ANO3: variants seen among roughly 807,000 people sequenced by gnomAD.
The protein encoded by ANO3 is anoctamin-3.
A neutral mutation model predicts 144.8 loss-of-function variants in ANO3; 99 were observed. That is an observed-to-expected ratio of 0.68 (90% CI 0.58 to 0.81). The LOEUF (loss-of-function observed/expected upper bound fraction) is 0.81. Ranked by LOEUF, ANO3 falls within the 30% of genes least tolerant of loss-of-function variation. ANO3 has a pLI of 0.00. For synonymous variants in ANO3, 414 were observed against 392.6 expected (o/e 1.05, Z -0.64); for missense variants, 905 against 1,202.2 (o/e 0.75, Z 3.66).
At chr11:26,302,735 A>G (rs1276589326) in intron 1 of ANO3, among the ~76,000 whole-genome samples, 1 of 152,204 alleles carries the variant, frequency 6.6e-6, no homozygotes, top group East Asian at 1.9e-4. Context: ...CACTTTTAAT[A>G]TTCTGTAATA....
In ANO3 at chr11:26,531,208, GC is replaced by G; in HGVS notation, c.742del (p.Gln248LysfsTer26). The G allele has an allele frequency of 1.2e-6, 2 of 1,613,898 alleles. No individual in the cohort carries two copies. Among genetic ancestry groups the G allele is most frequent in the Non-Finnish European group, 1.7e-6 (2 of 1,179,954 alleles). On this transcript the variant is annotated frameshift_variant, in exon 8 of 27. Coordinates refer to ENST00000256737, the MANE Select transcript of ANO3 (RefSeq NM_031418.4). LOFTEE classifies it high-confidence loss of function. ...DGRSKSMGRM[Q>X]TYFRRIKNWM... ...CTCAAATGTGACTTCATTCCAGGAT[GC>G]AAACTTATTTTAGAAGAATCAAAAA...
chr11:26,290,064 A>G (rs1853919958), intron 1 of ANO3, among the ~76,000 whole-genome samples: 1 of 151,982 alleles, frequency 6.6e-6, no homozygotes, highest in Non-Finnish European at 1.5e-5. Flanking sequence ...TTGGTAGGCT[A>G]TTAATTATTG....
intron 1 of ANO3, among the ~76,000 whole-genome samples, chr11:26,346,960 A>T (rs1356045694): frequency 6.6e-6 from 1 of 152,240 alleles, no homozygotes. Flanking sequence ...TGCCATTCTT[A>T]TCTTTGGAAT....
At chr11:26,588,251 G>A (rs1168967970) in intron 14 of ANO3, among the ~76,000 whole-genome samples, 1 of 151,962 alleles carries the variant, frequency 6.6e-6, no homozygotes, top group Non-Finnish European at 1.5e-5. Flanking sequence ...ATTATTAATT[G>A]TATCTTTACT....
intron 13 of ANO3, among the ~76,000 whole-genome samples, chr11:26,556,964 G>A (rs1850099488): frequency 1.3e-5 from 2 of 152,080 alleles, no homozygotes; most frequent in African/African-American, 4.8e-5. Flanking sequence ...AGACCCAGCA[G>A]GTATCATGGA....
At chr11:26,636,894 A>T (rs1277684568) in intron 20 of ANO3, among the ~76,000 whole-genome samples, 1 of 152,236 alleles carries the variant, frequency 6.6e-6, no homozygotes, top group East Asian at 1.9e-4. Flanking sequence ...TAGCTTTATC[A>T]TCTGCAGAGT....
At chr11:26,658,149 T>C (rs957012131) in intron 26 of ANO3, among the ~76,000 whole-genome samples, 4 of 96,582 alleles carry the variant, frequency 4.1e-5, no homozygotes, top group African/African-American at 1.2e-4. Flanking sequence ...AGGGGTCTAG[T>C]TTCATTCTCG....
intron 1 of ANO3, among the ~76,000 whole-genome samples, chr11:26,428,595 A>G (rs145016276): frequency 3.2e-4 from 48 of 152,298 alleles, no homozygotes; most frequent in African/African-American, 1.0e-3. Context: ...AGTTTTCATC[A>G]TGTTAGAACT....
At chr11:26,364,503 G>A (rs1387178272) in intron 1 of ANO3, among the ~76,000 whole-genome samples, 1 of 152,198 alleles carries the variant, frequency 6.6e-6, no homozygotes, top group Non-Finnish European at 1.5e-5. Flanking sequence ...TTTGCCATCT[G>A]CAGGCTTTAC....
chr11:26,638,772 CAA>C (rs1853050295), intron 20 of ANO3, among the ~76,000 whole-genome samples: 1 of 152,106 alleles, frequency 6.6e-6, no homozygotes, highest in Admixed American at 6.6e-5. Context: ...TTATTAAAAA[CAA>C]TATATTATAA....
chr11:26,416,216 A>G (rs899324592), intron 1 of ANO3, among the ~76,000 whole-genome samples: 1 of 152,042 alleles, frequency 6.6e-6, no homozygotes, highest in African/African-American at 2.4e-5. Flanking sequence ...TTGAGAGTTG[A>G]TATTTCTGAT....
chr11:26,597,579 C>G (rs942840747), intron 14 of ANO3, among the ~76,000 whole-genome samples: 1 of 151,986 alleles, frequency 6.6e-6, no homozygotes, highest in Non-Finnish European at 1.5e-5. Context: ...CAGCTCGAGC[C>G]GTAACAAACA....
In ANO3 at chr11:26,447,012, C is replaced by A. The variant is rs1858724542; in HGVS notation, c.313+3176C>A. ...ACTGCTTAAGCCCAGGAGTTTAAGA[C>A]CAGCATTAGCAAAGTGGTGAGACCC... On this transcript the variant is annotated intron_variant, in intron 3 of 26. Transcript: ENST00000256737. Among the ~76,000 whole-genome samples the A allele has an allele frequency of 1.3e-5, 2 of 151,940 alleles. 1 individual carries two copies. Among genetic ancestry groups the A allele is most frequent in the South Asian group, 4.2e-4 (2 of 4,818 alleles).
chr11:26,488,906 A>G (rs1168235001), intron 4 of ANO3, among the ~76,000 whole-genome samples: 2 of 152,150 alleles, frequency 1.3e-5, no homozygotes, highest in African/African-American at 4.8e-5. Context: ...GGTCCATTTT[A>G]CAGAGTGCTG....
intron 1 of ANO3, among the ~76,000 whole-genome samples, chr11:26,334,919 A>T (rs2133892300): frequency 6.6e-6 from 1 of 152,302 alleles, no homozygotes; most frequent in Non-Finnish European, 1.5e-5. Context: ...CCCTTAATTG[A>T]AAAACAGACA....
At chr11:26,342,032 C>T (rs944524337) in intron 1 of ANO3, among the ~76,000 whole-genome samples, 1 of 152,188 alleles carries the variant, frequency 6.6e-6, no homozygotes, top group South Asian at 2.1e-4. Context: ...CTCAGAGACA[C>T]ACCCAGGAAC....
chr11:26,205,822 T>C (rs1851785370), intron 1 of ANO3, among the ~76,000 whole-genome samples: 1 of 152,174 alleles, frequency 6.6e-6, no homozygotes, highest in South Asian at 2.1e-4. Context: ...AAAGCTTAAG[T>C]TTCATGAGTG....
At chr11:26,419,118 G>A (rs183845471) in intron 1 of ANO3, among the ~76,000 whole-genome samples, 1,754 of 152,224 alleles carry the variant, frequency 0.012, 17 homozygotes, top group Non-Finnish European at 0.018. Flanking sequence ...CATGGCAGAA[G>A]GCAAAGAGGA....
At chr11:26,642,355 T>C (rs1853188905) in intron 22 of ANO3, among the ~76,000 whole-genome samples, 1 of 145,014 alleles carries the variant, frequency 6.9e-6, no homozygotes, top group African/African-American at 2.6e-5. Context: ...TTTTTTTTTT[T>C]TTTTTTTTTT....
Sources: gnomAD v4.1 joint callset for allele counts (sites outside exome capture counted in the v4.1 genomes callset) on GRCh38, gnomAD v4.1.1 for gene constraint, MANE v1.5 for transcripts, NCBI Gene and HGNC (gene_info 2026-07-23, HGNC 2026-07-21) for gene names.